The following WIPF3 variants were observed in gnomAD, a reference collection of about 807,000 sequenced individuals.
WIPF3 encodes the protein WAS/WASL-interacting protein family member 3.
A neutral mutation model predicts 38.9 loss-of-function variants in WIPF3; 33 were observed. That is an observed-to-expected ratio of 0.85 (90% confidence interval 0.64 to 1.14). WIPF3 has a LOEUF of 1.14. WIPF3 is among the 50% of genes most tolerant of loss of function. The probability of loss-of-function intolerance (pLI) is 0.00; values close to 1 mark genes in which losing one functional copy is unlikely to be tolerated. For synonymous variants in WIPF3, 324 were observed against 269.3 expected (o/e 1.20, Z -1.99); for missense variants, 711 against 652.5 (o/e 1.09, Z -0.98).
At chr7:29,833,669 G>A (rs1200409446) in intron 1 of WIPF3, among the ~76,000 whole-genome samples, 4 of 152,144 alleles carry the variant, frequency 2.6e-5, no homozygotes, top group Non-Finnish European at 4.4e-5. Context: ...AATGCCACAG[G>A]ATTTTAAAGA....
At chr7:29,848,388 C>T (rs565216374) in intron 2 of WIPF3, among the ~76,000 whole-genome samples, 3 of 152,316 alleles carry the variant, frequency 2.0e-5, no homozygotes, top group African/African-American at 4.8e-5. Flanking sequence ...AAGGGAAGGA[C>T]GTGGGTTTCC....
intron 7 of WIPF3, among the ~76,000 whole-genome samples, chr7:29,890,495 C>T (rs1265786465): frequency 6.6e-6 from 1 of 152,232 alleles, no homozygotes; most frequent in Non-Finnish European, 1.5e-5. Flanking sequence ...TCCCACCCGA[C>T]ACCCTAAGTA....
intron 1 of WIPF3, among the ~76,000 whole-genome samples, chr7:29,824,462 C>A (rs1290016762): frequency 6.6e-6 from 1 of 151,686 alleles, no homozygotes; most frequent in East Asian, 1.9e-4. Context: ...CACCTGAACA[C>A]AGTTTTGCAG....
At chr7:29,816,136 G>A (rs909571302) in intron 1 of WIPF3, among the ~76,000 whole-genome samples, 1 of 152,170 alleles carries the variant, frequency 6.6e-6, no homozygotes, top group Non-Finnish European at 1.5e-5. Flanking sequence ...GTTTCTCTGA[G>A]GTGGTAATCC....
intron 7 of WIPF3, among the ~76,000 whole-genome samples, chr7:29,897,198 G>A (rs577570125): frequency 5.3e-5 from 8 of 152,248 alleles, no homozygotes; most frequent in East Asian, 1.9e-4. Context: ...GTATTCCATC[G>A]TATGGATGTA....
intron 1 of WIPF3, among the ~76,000 whole-genome samples, chr7:29,833,620 G>A (rs957201353): frequency 6.6e-6 from 1 of 152,134 alleles, no homozygotes; most frequent in African/African-American, 2.4e-5. Flanking sequence ...AATGCTTTTG[G>A]CCTCTGTGGA....
intron 4 of WIPF3, among the ~76,000 whole-genome samples, chr7:29,882,426 A>G (rs1785739210): frequency 6.6e-6 from 1 of 152,214 alleles, no homozygotes; most frequent in Non-Finnish European, 1.5e-5. Flanking sequence ...TGCTAATACC[A>G]TCCTCACCCT....
In WIPF3 at chr7:29,916,896, C is replaced by T. The variant is rs2128083142; in HGVS notation, c.*2380C>T. ...AAAGGTTTAACCCCTTGACTGTAAA[C>T]TCAGACTTAGAGACATCTGAGTCAC... On this transcript the variant is annotated 3_prime_UTR_variant, in exon 9 of 9. Transcript: ENST00000242140. The T allele has an allele frequency of 6.6e-6, 1 of 152,284 alleles. No homozygotes were observed. The highest frequency in any genetic ancestry group is 1.5e-5 in the Non-Finnish European group (1 of 68,014). 9.4% of individuals were successfully genotyped at this position (152,284 alleles called of 1,614,324 possible).
At chr7:29,843,694 G>T (rs556493932) in intron 2 of WIPF3, among the ~76,000 whole-genome samples, 1 of 152,130 alleles carries the variant, frequency 6.6e-6, no homozygotes, top group Non-Finnish European at 1.5e-5. Context: ...TCATCTGTAC[G>T]CTGCTGTGCT....
Position 29,884,617 on chromosome 7 carries a change from T to G in WIPF3, c.1099+24T>G, listed in dbSNP as rs1210823340. ...AGGTAAGGAGCGCTGCCTGGCCCAGTGCCCCTGGTGGAGTGCGATAAAATC... is the reference window on the plus strand; with the variant it reads ...AGGTAAGGAGCGCTGCCTGGCCCAGGGCCCCTGGTGGAGTGCGATAAAATC... On this transcript the variant is annotated intron_variant, in intron 5 of 8. Transcript: ENST00000242140. 4.4e-6 allele frequency: 7 copies of G among 1,589,026 alleles called. No individual in the cohort carries two copies. The African/African-American group carries it at 8.1e-5, about 18-fold the overall frequency.
intron 2 of WIPF3, among the ~76,000 whole-genome samples, chr7:29,839,968 T>C (rs1784888185): frequency 1.3e-5 from 2 of 152,222 alleles, no homozygotes. Flanking sequence ...TCAATAAATA[T>C]TTTGTGGAAG....
At chr7:29,861,178 T>C (rs540200592) in intron 2 of WIPF3, among the ~76,000 whole-genome samples, 1 of 152,310 alleles carries the variant, frequency 6.6e-6, no homozygotes, top group South Asian at 2.1e-4. Context: ...TATGGAAGTG[T>C]CTGGATTTCC....
At chr7:29,834,328 A>G (rs1784765112) in intron 1 of WIPF3, among the ~76,000 whole-genome samples, 1 of 152,212 alleles carries the variant, frequency 6.6e-6, no homozygotes, top group African/African-American at 2.4e-5. Flanking sequence ...CTAAAGAGGT[A>G]GAAGTCAGTT....
chr7:29,901,428 T>G (rs1321498946), intron 7 of WIPF3, among the ~76,000 whole-genome samples: 4 of 150,436 alleles, frequency 2.7e-5, no homozygotes, highest in Non-Finnish European at 5.9e-5. Flanking sequence ...AGAGTTTGCC[T>G]TTCTGTTTTA....
chr7:29,839,475 A>G (rs556922143), intron 2 of WIPF3, among the ~76,000 whole-genome samples: 4 of 152,324 alleles, frequency 2.6e-5, no homozygotes, highest in African/African-American at 9.6e-5. Flanking sequence ...GTCACGTGTA[A>G]TGGAATGACC....
chr7:29,914,406 A>C lies in WIPF3; in HGVS notation c.1429-87A>C, dbSNP rs981705686. 10 of 1,135,368 alleles carry C rather than the reference A, an allele frequency of 8.8e-6. No individual in the cohort carries two copies. In the African/African-American group the frequency reaches 1.6e-4, roughly 18 times the overall value. The allele number at this position is 1,135,368 out of a possible 1,614,324, so 70.3% of individuals were successfully genotyped here. ...GCATGAATGAGAAGCTTCGGGGCCC[A>C]GCCTGTTTGGGGGGGTGGAGGAGGA... On this transcript the variant is annotated intron_variant, in intron 8 of 8. Coordinates refer to ENST00000242140, the MANE Select transcript of WIPF3 (RefSeq NM_001080529.3).
At chr7:29,828,698 A>G (rs942880700) in intron 1 of WIPF3, among the ~76,000 whole-genome samples, 2 of 152,172 alleles carry the variant, frequency 1.3e-5, no homozygotes, top group African/African-American at 4.8e-5. Context: ...TCCTGTAGCC[A>G]TGTCCCGCCT....
At chr7:29,814,320 C>T (rs2128061519) in intron 1 of WIPF3, among the ~76,000 whole-genome samples, 1 of 152,314 alleles carries the variant, frequency 6.6e-6, no homozygotes, top group African/African-American at 2.4e-5. Flanking sequence ...GTGCCTGGCA[C>T]ATAGTAACCT....
At chr7:29,881,647 G>A (rs1785719929) in intron 4 of WIPF3, among the ~76,000 whole-genome samples, 1 of 152,188 alleles carries the variant, frequency 6.6e-6, no homozygotes, top group Non-Finnish European at 1.5e-5. Context: ...CCTTGGCCTA[G>A]AGCTCTAAGG....
Sources: allele counts gnomAD v4.1 joint callset (sites outside exome capture counted in the v4.1 genomes callset), GRCh38; gene constraint gnomAD v4.1.1; transcripts MANE v1.5; gene names NCBI Gene and HGNC (gene_info 2026-07-23, HGNC 2026-07-21).